Variants in TCERG1L observed in about 807,000 individuals in gnomAD.
TCERG1L encodes transcription elongation regulator 1 like, also known as transcription elongation regulator 1-like protein.
Under a neutral mutation model 56.3 loss-of-function variants are expected in TCERG1L, and 37 were observed. That is an observed-to-expected ratio of 0.66 (90% CI 0.51 to 0.87). The LOEUF (loss-of-function observed/expected upper bound fraction) is 0.87. TCERG1L is among the 40% of genes least tolerant of loss of function. The pLI is 0.00. For synonymous variants in TCERG1L, 324 were observed against 326.3 expected (o/e 0.99, Z 0.08); for missense variants, 799 against 774.2 (o/e 1.03, Z -0.38).
intron 6 of TCERG1L, among the ~76,000 whole-genome samples, chr10:131,157,816 A>C (rs764920456): frequency 6.6e-6 from 1 of 152,216 alleles, no homozygotes; most frequent in Non-Finnish European, 1.5e-5. Context: ...TCCTTAAAAT[A>C]CCATGCCTGG....
intron 4 of TCERG1L, among the ~76,000 whole-genome samples, chr10:131,215,109 C>CT (rs1246997109): frequency 2.0e-5 from 3 of 152,210 alleles, no homozygotes; most frequent in African/African-American, 7.2e-5. Context: ...CACTCATACT[C>CT]TGATACTTTC....
At chr10:131,224,257 G>A (rs560493057) in intron 4 of TCERG1L, among the ~76,000 whole-genome samples, 116 of 152,094 alleles carry the variant, frequency 7.6e-4, no homozygotes, top group Admixed American at 1.7e-3. Context: ...TGCCCCACAC[G>A]CCTTTCCAGC....
chr10:131,266,846 AGCT>A (rs1189857400), intron 3 of TCERG1L, among the ~76,000 whole-genome samples: 3 of 152,026 alleles, frequency 2.0e-5, no homozygotes, highest in Non-Finnish European at 2.9e-5. Context: ...TCCTCTCTGC[AGCT>A]GGTCATCCTG....
intron 4 of TCERG1L, among the ~76,000 whole-genome samples, chr10:131,195,843 G>A (rs2918141): frequency 0.82 from 124,795 of 152,284 alleles, 51,771 homozygotes; most frequent in East Asian, 0.99. Context: ...CTCGGCCTGC[G>A]GGGCGCGGCT....
At chr10:131,220,102 C>T (rs972557293) in intron 4 of TCERG1L, among the ~76,000 whole-genome samples, 10 of 152,202 alleles carry the variant, frequency 6.6e-5, no homozygotes, top group African/African-American at 1.9e-4. Context: ...CCCTGGCACC[C>T]GCATGGCCTT....
At chr10:131,209,310 G>A (rs79515337) in intron 4 of TCERG1L, among the ~76,000 whole-genome samples, 2,383 of 149,168 alleles carry the variant, frequency 0.016, 49 homozygotes, top group African/African-American at 0.055. Context: ...TTCTCAGCCT[G>A]GCTCTGACAA....
chr10:131,302,831 T>C lies in TCERG1L; in HGVS notation c.670+5380A>G, dbSNP rs553380341. Among the ~76,000 whole-genome samples, 5 of 151,962 alleles carry C rather than the reference T, an allele frequency of 3.3e-5. No homozygotes were observed. In the East Asian group the frequency reaches 7.7e-4, roughly 24 times the overall value. ...TGTGATGTTCCCCTCCCTGTGTCCA[T>C]GTGTTCTCATTGTTCAATGACCACT... is the stretch of plus-strand genomic sequence containing the variant. On this transcript the variant is annotated intron_variant, in intron 3 of 11. Coordinates refer to ENST00000368642, the MANE Select transcript of TCERG1L (RefSeq NM_174937.4).
At chr10:131,223,418 C>T (rs1214039818) in intron 4 of TCERG1L, among the ~76,000 whole-genome samples, 1 of 152,194 alleles carries the variant, frequency 6.6e-6, no homozygotes, top group Non-Finnish European at 1.5e-5. Flanking sequence ...GCATTTTGCT[C>T]CAGAGAGAGC....
At chr10:131,129,495 T>C (rs1392518998) in intron 8 of TCERG1L, among the ~76,000 whole-genome samples, 1 of 152,214 alleles carries the variant, frequency 6.6e-6, no homozygotes, top group Non-Finnish European at 1.5e-5. Flanking sequence ...TATTCCAGCT[T>C]TTATGTTGAG....
chr10:131,153,711 T>C lies in TCERG1L; in HGVS notation c.1035-7051A>G, dbSNP rs150356286. 2.4e-3 allele frequency among the ~76,000 whole-genome samples: 366 copies of C among 152,354 alleles called. 2 individuals are homozygous for C. The South Asian group carries it at 0.028, about 12-fold the overall frequency. On this transcript the variant is annotated intron_variant, in intron 6 of 11. Coordinates refer to ENST00000368642, the MANE Select transcript of TCERG1L (RefSeq NM_174937.4). ...CAGAGACACCCAAGGTGCATTCCGATGCTGGGAGCAGCCAGCACCCTGGAA... is the reference window on the plus strand; with the variant it reads ...CAGAGACACCCAAGGTGCATTCCGACGCTGGGAGCAGCCAGCACCCTGGAA...
At chr10:131,211,142 G>A (rs933386506) in intron 4 of TCERG1L, among the ~76,000 whole-genome samples, 8 of 152,230 alleles carry the variant, frequency 5.3e-5, no homozygotes, top group Admixed American at 4.6e-4. Flanking sequence ...ATGGTATCTG[G>A]GTGGTGGGGC....
intron 4 of TCERG1L, among the ~76,000 whole-genome samples, chr10:131,195,966 G>A (rs1310792310): frequency 6.6e-6 from 1 of 152,194 alleles, no homozygotes; most frequent in East Asian, 1.9e-4. Context: ...CCAGAACTGG[G>A]CAGCGGGGCT....
chr10:131,178,803 TGAG>T (rs1203510204), intron 4 of TCERG1L, among the ~76,000 whole-genome samples: 1 of 152,180 alleles, frequency 6.6e-6, no homozygotes, highest in African/African-American at 2.4e-5. Flanking sequence ...TCTCCGCACT[TGAG>T]GAGCCTCTCT....
At chr10:131,304,643 C>T (rs1419351345) in intron 3 of TCERG1L, among the ~76,000 whole-genome samples, 1 of 152,078 alleles carries the variant, frequency 6.6e-6, no homozygotes, top group East Asian at 1.9e-4. Context: ...AACCCATTCA[C>T]AATGATCAGG....
chr10:131,134,128 T>C (rs563377490), intron 8 of TCERG1L, among the ~76,000 whole-genome samples: 1 of 152,114 alleles, frequency 6.6e-6, no homozygotes, highest in Non-Finnish European at 1.5e-5. Flanking sequence ...GCTGAGCATG[T>C]GGGCGCCTGG....
intron 4 of TCERG1L, among the ~76,000 whole-genome samples, chr10:131,203,205 G>C (rs1310844968): frequency 1.3e-5 from 2 of 151,340 alleles, no homozygotes; most frequent in Non-Finnish European, 2.9e-5. Flanking sequence ...AGCCCTCCGA[G>C]CTGCGCTCTC....
At chr10:131,094,768 G>A (rs1022410262) in intron 11 of TCERG1L, among the ~76,000 whole-genome samples, 20 of 151,956 alleles carry the variant, frequency 1.3e-4, no homozygotes, top group African/African-American at 4.8e-4. Flanking sequence ...TAACCACCTT[G>A]GTGTACCTTG....
At chr10:131,129,209 A>G (rs892597319) in intron 8 of TCERG1L, among the ~76,000 whole-genome samples, 2 of 57,606 alleles carry the variant, frequency 3.5e-5, no homozygotes, top group Non-Finnish European at 8.3e-5. Flanking sequence ...CTCTAAGAGG[A>G]AAAAAAAAAG....
intron 4 of TCERG1L, among the ~76,000 whole-genome samples, chr10:131,176,998 A>G (rs1307540931): frequency 7.3e-6 from 1 of 136,608 alleles, no homozygotes; most frequent in East Asian, 2.1e-4. Flanking sequence ...ACAGGTGTAC[A>G]CACAGACACA....
Sources: allele counts gnomAD v4.1 joint callset (sites outside exome capture counted in the v4.1 genomes callset), GRCh38; gene constraint gnomAD v4.1.1; transcripts MANE v1.5; gene names NCBI Gene and HGNC (gene_info 2026-07-23, HGNC 2026-07-21).